The following EDA variants were observed in gnomAD, a reference collection of about 807,000 sequenced individuals.
EDA encodes ectodysplasin A, also known as ectodysplasin-A.
EDA carries 2 observed loss-of-function variants against 23.6 expected under a neutral mutation model. The ratio of observed to expected loss-of-function variants is 0.08; its 90% CI spans 0.03 to 0.27. EDA has a LOEUF of 0.27. Ranked by LOEUF, EDA falls within the 10% of genes least tolerant of loss-of-function variation. The pLI, the probability that EDA is intolerant of heterozygous loss-of-function variation, is 1.00. For missense variants in EDA, 229 were observed against 324.2 expected, an observed-to-expected ratio of 0.71 and a Z score of 2.26; for synonymous variants, 131 against 132.0, an observed-to-expected ratio of 0.99 and a Z score of 0.05.
intron 1 of EDA, among the ~76,000 whole-genome samples, chrX:69,761,978 A>G (rs2014322722): frequency 9.0e-6 from 1 of 111,663 alleles, no homozygotes; most frequent in Non-Finnish European, 1.9e-5. Flanking sequence ...GGTAAAGAAC[A>G]TAAGTCTTAC....
At chrX:69,617,562 T>C (rs1932023959) in intron 1 of EDA, among the ~76,000 whole-genome samples, 1 of 111,445 alleles carries the variant, frequency 9.0e-6, no homozygotes, top group South Asian at 3.8e-4. Context: ...ATAAGCAAAC[T>C]ATTAGCTTTG....
At chrX:69,761,229 G>T (rs1249842936) in intron 1 of EDA, among the ~76,000 whole-genome samples, 1 of 110,721 alleles carries the variant, frequency 9.0e-6, no homozygotes, top group Non-Finnish European at 1.9e-5. Context: ...TAAAGTAATG[G>T]TATCATAATC....
chrX:69,836,890 G>A (rs1456802878), intron 1 of EDA, among the ~76,000 whole-genome samples: 5 of 112,244 alleles, frequency 4.5e-5, no homozygotes, highest in African/African-American at 1.6e-4. Flanking sequence ...ATCCTTTTAT[G>A]ATAGGCTAAC....
chrX:69,619,223 G>A (rs962943299), intron 1 of EDA, among the ~76,000 whole-genome samples: 5 of 112,210 alleles, frequency 4.5e-5, no homozygotes, highest in Non-Finnish European at 7.5e-5. Flanking sequence ...CCTTCAACGG[G>A]CAGTACATTC....
intron 1 of EDA, among the ~76,000 whole-genome samples, chrX:69,671,541 C>T (rs1933895968): frequency 9.0e-6 from 1 of 111,647 alleles, no homozygotes; most frequent in Non-Finnish European, 1.9e-5. Flanking sequence ...GACTGTTGCT[C>T]TGTGGCACAC....
chrX:69,839,969 T>C, intron 1 of EDA, among the ~76,000 whole-genome samples: 1 of 112,549 alleles, frequency 8.9e-6, no homozygotes, highest in Non-Finnish European at 1.9e-5. Context: ...TGTTTACTTA[T>C]TGCTCTCTTG....
intron 1 of EDA, among the ~76,000 whole-genome samples, chrX:69,792,419 A>G (rs2015428889): frequency 1.8e-5 from 2 of 112,137 alleles, no homozygotes; most frequent in South Asian, 7.4e-4. Flanking sequence ...GAATTGTGCC[A>G]CTATAAATAT....
intron 1 of EDA, among the ~76,000 whole-genome samples, chrX:69,682,587 G>C: frequency 8.9e-6 from 1 of 112,003 alleles, no homozygotes; most frequent in Middle Eastern, 4.6e-3. Flanking sequence ...CGATTTTCCA[G>C]GTGCCGTCTG....
At chrX:69,847,245 C>T (rs1266151295) in intron 1 of EDA, among the ~76,000 whole-genome samples, 1 of 111,593 alleles carries the variant, frequency 9.0e-6, no homozygotes, top group Non-Finnish European at 1.9e-5. Flanking sequence ...ACATATCAGA[C>T]ATATGGACAA....
At chrX:69,890,661 TGTTTAGTAA>T (rs2017912382) in intron 1 of EDA, among the ~76,000 whole-genome samples, 1 of 111,730 alleles carries the variant, frequency 9.0e-6, no homozygotes, top group African/African-American at 3.3e-5. Context: ...AAGGATTCCC[TGTTTAGTAA>T]GTGGTGCTGG....
intron 2 of EDA, among the ~76,000 whole-genome samples, chrX:69,998,358 G>T (rs1240091017): frequency 3.6e-5 from 4 of 112,348 alleles, no homozygotes; most frequent in Non-Finnish European, 7.5e-5. Flanking sequence ...CTTTGTTCCA[G>T]CCAATTCCTC....
At chrX:69,988,094 G>A (rs986544674) in intron 2 of EDA, among the ~76,000 whole-genome samples, 1 of 112,274 alleles carries the variant, frequency 8.9e-6, no homozygotes, top group Admixed American at 9.4e-5. Context: ...ACTGAACAAG[G>A]AACTGCATGT....
intron 1 of EDA, among the ~76,000 whole-genome samples, chrX:69,746,396 C>T (rs1467549410): frequency 8.9e-6 from 1 of 111,763 alleles, no homozygotes; most frequent in East Asian, 2.8e-4. Context: ...TCTAGGCACA[C>T]CTCCCAACCC....
intron 1 of EDA, among the ~76,000 whole-genome samples, chrX:69,752,500 T>G: frequency 8.9e-6 from 1 of 112,058 alleles, no homozygotes; most frequent in Non-Finnish European, 1.9e-5. Context: ...TGAGGATTTT[T>G]GCATCGATGT....
At chrX:69,720,832 T>C (rs2012551966) in intron 1 of EDA, among the ~76,000 whole-genome samples, 1 of 112,802 alleles carries the variant, frequency 8.9e-6, no homozygotes, top group African/African-American at 3.2e-5. Context: ...TAAATAATTC[T>C]AACATCTGAT....
intron 1 of EDA, among the ~76,000 whole-genome samples, chrX:69,838,052 C>T (rs1459115262): frequency 8.9e-6 from 1 of 112,310 alleles, no homozygotes; most frequent in Non-Finnish European, 1.9e-5. Flanking sequence ...TAAAGAGGAT[C>T]TGTCACTTTT....
chrX:70,005,363 G>C (rs990768440), intron 2 of EDA, among the ~76,000 whole-genome samples: 1 of 110,311 alleles, frequency 9.1e-6, no homozygotes, highest in Admixed American at 9.7e-5. Context: ...TTACTTCCCA[G>C]GTTTACCACT....
chrX:69,809,769 A>G (rs149791387), intron 1 of EDA, among the ~76,000 whole-genome samples: 1,614 of 111,477 alleles, frequency 0.014, 22 homozygotes, highest in South Asian at 0.056. Flanking sequence ...TAAGACCCTG[A>G]AGATTTGCCA....
At chrX:69,713,380 A>G (rs1168285565) in intron 1 of EDA, among the ~76,000 whole-genome samples, 2 of 111,733 alleles carry the variant, frequency 1.8e-5, no homozygotes, top group Non-Finnish European at 1.9e-5. Context: ...ATATTTCTTC[A>G]GATTTACTTG....
Sources: gnomAD v4.1 joint callset for allele counts (sites outside exome capture counted in the v4.1 genomes callset) on GRCh38, gnomAD v4.1.1 for gene constraint, MANE v1.5 for transcripts, NCBI Gene and HGNC (gene_info 2026-07-23, HGNC 2026-07-21) for gene names.